EXT1: variants seen among roughly 807,000 people sequenced by gnomAD.
EXT1 encodes the protein exostosin glycosyltransferase 1.
Under a neutral mutation model 82.5 loss-of-function variants are expected in EXT1, and 20 were observed. That is an observed-to-expected ratio of 0.24 (90% confidence interval 0.17 to 0.35). EXT1 has a LOEUF of 0.35. Among genes scored for constraint, EXT1 ranks in the 10% least tolerant of loss-of-function variants. The pLI, the probability that EXT1 is intolerant of heterozygous loss-of-function variation, is 1.00. For synonymous variants in EXT1, 348 were observed against 350.8 expected, an observed-to-expected ratio of 0.99 and a Z score of 0.09; for missense variants, 757 against 936.5, an observed-to-expected ratio of 0.81 and a Z score of 2.50.
At chr8:117,850,616 G>A (rs554876260) in intron 1 of EXT1, among the ~76,000 whole-genome samples, 1 of 152,292 alleles carries the variant, frequency 6.6e-6, no homozygotes, top group South Asian at 2.1e-4. Flanking sequence ...TCTAGTGCTT[G>A]CAAAACCATT....
chr8:118,106,929 G>A (rs929554692), intron 1 of EXT1, among the ~76,000 whole-genome samples: 6 of 152,196 alleles, frequency 3.9e-5, no homozygotes, highest in East Asian at 1.9e-4. Context: ...AATCCTGAAC[G>A]TCTGGGTCAA....
intron 1 of EXT1, among the ~76,000 whole-genome samples, chr8:117,853,019 C>A (rs1289413745): frequency 6.6e-6 from 1 of 152,090 alleles, no homozygotes; most frequent in Admixed American, 6.5e-5. Flanking sequence ...GAAACCTAAG[C>A]GCTAAGTGTC....
intron 1 of EXT1, among the ~76,000 whole-genome samples, chr8:117,949,216 T>C (rs1814443924): frequency 6.6e-6 from 1 of 152,182 alleles, no homozygotes; most frequent in African/African-American, 2.4e-5. Flanking sequence ...AGGAATTTGT[T>C]TATAAAATTA....
intron 1 of EXT1, among the ~76,000 whole-genome samples, chr8:118,023,738 A>G (rs190538080): frequency 1.4e-4 from 21 of 152,376 alleles, no homozygotes; most frequent in African/African-American, 4.8e-4. Flanking sequence ...GGGAAAAAGC[A>G]ATAGTAAATT....
At chr8:118,072,687 A>G (rs567990594) in intron 1 of EXT1, among the ~76,000 whole-genome samples, 1 of 152,224 alleles carries the variant, frequency 6.6e-6, no homozygotes, top group Non-Finnish European at 1.5e-5. Context: ...TGTTCATCCA[A>G]CTTAATCATA....
At chr8:117,860,414 A>G (rs1812661479) in intron 1 of EXT1, among the ~76,000 whole-genome samples, 2 of 152,194 alleles carry the variant, frequency 1.3e-5, no homozygotes, top group South Asian at 2.1e-4. Context: ...AATGTCCACT[A>G]TTCAGATGAT....
chr8:118,097,882 A>C (rs749320618), intron 1 of EXT1, among the ~76,000 whole-genome samples: 2 of 152,210 alleles, frequency 1.3e-5, no homozygotes, highest in Non-Finnish European at 2.9e-5. Context: ...CTGGGTGTTA[A>C]ATGTTCTATA....
intron 1 of EXT1, among the ~76,000 whole-genome samples, chr8:117,976,951 G>A (rs1815076917): frequency 1.3e-5 from 2 of 152,110 alleles, no homozygotes; most frequent in Admixed American, 1.3e-4. Flanking sequence ...AAGGAGAGGG[G>A]CCCTGAATAC....
At chr8:118,069,636 T>C (rs952952515) in intron 1 of EXT1, among the ~76,000 whole-genome samples, 1 of 152,216 alleles carries the variant, frequency 6.6e-6, no homozygotes, top group Non-Finnish European at 1.5e-5. Context: ...GAAATGGTAT[T>C]TGAATGGCAA....
rs1414278662 is a variant in EXT1, at chr8:118,047,071, G to GAATTTTT, written c.962+63013_962+63014insAAAAATT. Among the ~76,000 whole-genome samples, 277 of 152,288 alleles carry GAATTTTT rather than the reference G, an allele frequency of 1.8e-3. 2 individuals are homozygous for GAATTTTT. Among genetic ancestry groups the GAATTTTT allele is most frequent in the African/African-American group, 6.5e-3 (270 of 41,552 alleles). ...GGTAATTCATTTTACTCCAAAAATGGGGTAAAGCAGTGGTTCTCAGTCTGG... is the reference window on the plus strand; with the variant it reads ...GGTAATTCATTTTACTCCAAAAATGGAATTTTTGGTAAAGCAGTGGTTCTCAGTCTGG... On this transcript the variant is annotated intron_variant, in intron 1 of 10. Coordinates refer to ENST00000378204, the MANE Select transcript of EXT1 (RefSeq NM_000127.3).
intron 1 of EXT1, among the ~76,000 whole-genome samples, chr8:118,062,663 G>A (rs1271465920): frequency 6.6e-6 from 1 of 152,146 alleles, no homozygotes; most frequent in Admixed American, 6.6e-5. Context: ...AATAATTAGG[G>A]TCAGTTTAGA....
At chr8:117,857,681 T>C (rs1157835357) in intron 1 of EXT1, among the ~76,000 whole-genome samples, 3 of 151,830 alleles carry the variant, frequency 2.0e-5, no homozygotes, top group African/African-American at 7.3e-5. Context: ...GCTTGCCAGC[T>C]TGAGCAACAG....
chr8:118,080,944 C>T (rs1817310085), intron 1 of EXT1, among the ~76,000 whole-genome samples: 1 of 152,122 alleles, frequency 6.6e-6, no homozygotes, highest in African/African-American at 2.4e-5. Flanking sequence ...CAGATAAGAC[C>T]ATTAACTCTT....
intron 1 of EXT1, among the ~76,000 whole-genome samples, chr8:117,937,487 CTG>C (rs1814189152): frequency 6.6e-6 from 1 of 152,240 alleles, no homozygotes; most frequent in South Asian, 2.1e-4. Flanking sequence ...TTTATGAAGT[CTG>C]TGTTTCTTCA....
chr8:117,909,228 T>C (rs537999353), intron 1 of EXT1, among the ~76,000 whole-genome samples: 1 of 152,240 alleles, frequency 6.6e-6, no homozygotes, highest in South Asian at 2.1e-4. Context: ...GAGTAAGACA[T>C]TGAGAAATGC....
intron 1 of EXT1, among the ~76,000 whole-genome samples, chr8:118,036,851 C>T (rs537334458): frequency 1.3e-5 from 2 of 152,278 alleles, no homozygotes; most frequent in East Asian, 3.9e-4. Flanking sequence ...GCAAACTCTG[C>T]TCCCCATTCC....
intron 1 of EXT1, among the ~76,000 whole-genome samples, chr8:118,065,665 C>G (rs1478992377): frequency 6.6e-6 from 1 of 152,208 alleles, no homozygotes; most frequent in Non-Finnish European, 1.5e-5. Flanking sequence ...TTTGAACTTA[C>G]ACTTTGGGAA....
At chr8:117,911,324 C>G (rs1315301697) in intron 1 of EXT1, among the ~76,000 whole-genome samples, 13 of 152,168 alleles carry the variant, frequency 8.5e-5, no homozygotes, top group Admixed American at 8.5e-4. Flanking sequence ...TGGCAGGAAG[C>G]ATGTTACTCT....
chr8:118,095,901 T>A (rs1384717131), intron 1 of EXT1, among the ~76,000 whole-genome samples: 1 of 152,196 alleles, frequency 6.6e-6, no homozygotes, highest in African/African-American at 2.4e-5. Flanking sequence ...CAAGCCACGA[T>A]TTTAAATGGA....
Sources: allele counts gnomAD v4.1 joint callset (sites outside exome capture counted in the v4.1 genomes callset), GRCh38; gene constraint gnomAD v4.1.1; transcripts MANE v1.5; gene names NCBI Gene and HGNC (gene_info 2026-07-23, HGNC 2026-07-21).